Variants in NAT10 observed in about 807,000 individuals in gnomAD.
NAT10 encodes RNA cytidine acetyltransferase.
NAT10 carries 109 observed loss-of-function variants against 132.2 expected under a neutral mutation model. The ratio of observed to expected loss-of-function variants is 0.82; its 90% CI spans 0.71 to 0.97. The LOEUF (loss-of-function observed/expected upper bound fraction) is 0.97, where lower values mean the gene tolerates loss of function less well. Among genes scored for constraint, NAT10 ranks in the 50% least tolerant of loss-of-function variants. The pLI, the probability that NAT10 is intolerant of heterozygous loss-of-function variation, is 0.00. For missense variants in NAT10, 1,184 were observed against 1,263.4 expected (o/e 0.94, Z 0.95); for synonymous variants, 479 against 478.0 (o/e 1.00, Z -0.03).
rs1009250933 is a variant in NAT10, at chr11:34,141,758, A to T, written c.2752A>T (p.Met918Leu). The T allele has an allele frequency of 1.2e-6, 2 of 1,614,002 alleles. No individual in the cohort carries two copies. The highest frequency in any genetic ancestry group is 1.3e-5 in the African/African-American group (1 of 74,906). Residue 918 changes from methionine (M) to leucine (L), a missense_variant, in exon 26 of 29, where the codon ATG becomes TTG. Transcript: ENST00000257829. ...TCAGGAAAAGGCCATTGAGGAGCAG[A>T]TGGTGGCAGCGAAGGATGTGGTCAT... ...EVQEKAIEEQ[M>L]VAAKDVVMEP... is the part of the protein sequence containing the mutation.
intron 12 of NAT10, among the ~76,000 whole-genome samples, chr11:34,129,233 A>G (rs1233498386): frequency 6.6e-6 from 1 of 152,176 alleles, no homozygotes; most frequent in Non-Finnish European, 1.5e-5. Flanking sequence ...AAGCAATTGC[A>G]CATTCTACGT....
At chr11:34,108,433 C>T in intron 2 of NAT10, 100 bp downstream of exon 2, 2 of 977,256 alleles carry the variant, frequency 2.0e-6, no homozygotes, top group Middle Eastern at 2.7e-4. Flanking sequence ...GCATTAAGAT[C>T]TCTTTGGCTG....
At position 34,140,583 on chromosome 11, in the gene NAT10, T is replaced by G; in HGVS notation, c.2592+11T>G. The G allele has an allele frequency of 1.2e-6, 2 of 1,610,638 alleles. No homozygotes were observed. The highest frequency in any genetic ancestry group is 8.5e-7 in the Non-Finnish European group (1 of 1,177,130). ...TCTGCGGCTCAGTCGGTATGCTATC[T>G]GTTGCTTGCGTGGAGGAGAAGCGAG... On this transcript the variant is annotated intron_variant, in intron 24 of 28. Transcript: ENST00000257829.
At chr11:34,144,067 T>C (rs943433551) in intron 28 of NAT10, among the ~76,000 whole-genome samples, 16 of 152,166 alleles carry the variant, frequency 1.1e-4, no homozygotes, top group African/African-American at 3.6e-4. Flanking sequence ...GGTCTTTGAG[T>C]TCCTTTATCT....
In NAT10 at chr11:34,139,214, G is replaced by A. The variant is rs145301425; in HGVS notation, c.2235G>A (p.Ser745=). The A allele has an allele frequency of 3.3e-5, 53 of 1,614,094 alleles. No individual in the cohort carries two copies. Among genetic ancestry groups the A allele is most frequent in the Admixed American group, 1.8e-4 (11 of 60,018 alleles). The change falls in exon 22 of 29, where the codon TCG becomes TCA. Residue 745 remains serine (S), a synonymous_variant. Coordinates refer to ENST00000257829, the MANE Select transcript of NAT10 (RefSeq NM_024662.3). ...AGAATGACCTGACCGGAGAGCACTC[G>A]TGCATCATGCTGAAGACGCTCACTG... The part of the protein sequence containing the change: ...QTPNDLTGEH[S]CIMLKTLTDE...
At chr11:34,108,178 G>C (rs755695810) in intron 1 of NAT10, 33 bp from the exon 2 acceptor site, 1 of 1,444,086 alleles carries the variant, frequency 6.9e-7, no homozygotes, top group Admixed American at 1.7e-5. Flanking sequence ...ACAATCTAGT[G>C]CGCATGGCCA....
intron 11 of NAT10, among the ~76,000 whole-genome samples, chr11:34,125,996 G>T (rs1363150402): frequency 6.6e-6 from 1 of 152,110 alleles, no homozygotes; most frequent in Non-Finnish European, 1.5e-5. Context: ...ATGAAAAAAA[G>T]AAATGGGTGG....
rs199955231 is a variant in NAT10, at chr11:34,139,393, C to T, written c.2317C>T (p.Arg773Trp). 1.2e-5 allele frequency: 20 copies of T among 1,613,976 alleles called. No individual in the cohort carries two copies. Among genetic ancestry groups the T allele is most frequent in the African/African-American group, 4.0e-5 (3 of 74,926 alleles). The change falls in exon 23 of 29, where the codon CGG (arginine) becomes TGG (tryptophan). Residue 773 changes from arginine to tryptophan, a missense_variant. Arg to Trp is a moderately radical substitution (Grantham distance 101, BLOSUM62 -3). Coordinates refer to ENST00000257829, the MANE Select transcript of NAT10 (RefSeq NM_024662.3). ...WLAAFWKDFR[R>W]RFLALLSYQF... The stretch of plus-strand genomic sequence containing the variant: ...GTGATGGCACCCCACAGATTTCCGA[C>T]GGCGGTTCCTAGCCTTGCTCTCCTA...
In NAT10 at chr11:34,142,366, C is replaced by A. The variant is rs544706529; in HGVS notation, c.2885+18C>A. 1 of 1,612,482 alleles carries A rather than the reference C, an allele frequency of 6.2e-7. No individual in the cohort carries two copies. The highest frequency in any genetic ancestry group is 1.7e-5 in the Admixed American group (1 of 59,986). ...CTCTCTGAGTAAGGCTTGTGGGAAG[C>A]AGAGGGTTTGCCTTGGCTTCTGGGG... On this transcript the variant is annotated intron_variant, in intron 27 of 28. Coordinates refer to ENST00000257829, the MANE Select transcript of NAT10 (RefSeq NM_024662.3).
chr11:34,105,965 T>C (rs1363984726), intron 1 of NAT10, 173 bp downstream of exon 1: 1 of 152,344 alleles, frequency 6.6e-6, no homozygotes, highest in Non-Finnish European at 1.5e-5. Flanking sequence ...GAATCACCTC[T>C]CCAATACGCA....
In NAT10 at chr11:34,142,313, G is replaced by C; in HGVS notation, c.2850G>C (p.Lys950Asn). 6.2e-7 allele frequency: 1 copy of C among 1,614,164 alleles called. No individual in the cohort carries two copies. The highest frequency in any genetic ancestry group is 8.5e-7 in the Non-Finnish European group (1 of 1,180,030). Reference protein sequence around the residue: ...AAKEFQEKHKKEVGKLKSMDL... With the variant: ...AAKEFQEKHKNEVGKLKSMDL... ...AGGAATTTCAGGAGAAACACAAGAA[G>C]GAAGTAGGGAAGCTGAAGAGCATGG... The change falls in exon 27 of 29, where the codon AAG (lysine) becomes AAC (asparagine). Residue 950 changes from lysine to asparagine, a missense_variant. Coordinates refer to ENST00000257829, the MANE Select transcript of NAT10 (RefSeq NM_024662.3).
chr11:34,131,007 C>T (rs1852096094), intron 13 of NAT10, 70 bp downstream of exon 13: 10 of 1,580,488 alleles, frequency 6.3e-6, no homozygotes, highest in Admixed American at 5.2e-5. Context: ...TCCTCGCTTC[C>T]CCTGTGACAT....
chr11:34,134,032 T>C (rs539491771), intron 16 of NAT10, among the ~76,000 whole-genome samples: 10 of 148,914 alleles, frequency 6.7e-5, no homozygotes, highest in East Asian at 5.9e-4. Flanking sequence ...GGTGTGGTGG[T>C]AGGCACCTGT....
At position 34,130,905 on chromosome 11, in the gene NAT10, A is replaced by AT. The variant is rs1291006439; in HGVS notation, c.1338dup (p.Lys447Ter). The AT allele has an allele frequency of 6.2e-7, 1 of 1,614,200 alleles. No homozygotes were observed. Among genetic ancestry groups the AT allele is most frequent in the Admixed American group, 1.7e-5 (1 of 60,030 alleles). On this transcript the variant is annotated frameshift_variant, in exon 13 of 29. Transcript: ENST00000257829. LOFTEE classifies it high-confidence loss of function. Reference sequence around the variant, plus strand: ...AGCCAGGTCAGCACCACTGCTGAGAATAAGACCACGACGACAGCCAGATTG... The same window carrying AT: ...AGCCAGGTCAGCACCACTGCTGAGAATTAAGACCACGACGACAGCCAGATTG...
chr11:34,142,315 A>C lies in NAT10; in HGVS notation c.2852A>C (p.Glu951Ala). The C allele has an allele frequency of 1.9e-6, 3 of 1,614,162 alleles. No individual in the cohort carries two copies. The South Asian group carries it at 3.3e-5, about 18-fold the overall frequency. Residue 951 changes from glutamate to alanine, a missense_variant, in exon 27 of 29, where the codon GAA (glutamate) becomes GCA (alanine). Coordinates refer to ENST00000257829, the MANE Select transcript of NAT10 (RefSeq NM_024662.3). ...AKEFQEKHKK[E>A]VGKLKSMDLS... ...GAATTTCAGGAGAAACACAAGAAGG[A>C]AGTAGGGAAGCTGAAGAGCATGGAC...
At chr11:34,123,706 G>C in intron 9 of NAT10, 56 bp from the exon 10 acceptor site, 1 of 1,307,748 alleles carries the variant, frequency 7.6e-7, no homozygotes, top group South Asian at 1.3e-5. Flanking sequence ...TTTTTAAATT[G>C]TTTCTTTAAG....
At position 34,135,609 on chromosome 11, in the gene NAT10, A is replaced by G. The variant is rs1022801636; in HGVS notation, c.2028+318A>G. ...ATTCAAGTTTGAGAATCACTGCTCT[A>G]TAATCTCTTTCATCCTACACCAGAC... On this transcript the variant is annotated intron_variant, in intron 19 of 28. Coordinates refer to ENST00000257829, the MANE Select transcript of NAT10 (RefSeq NM_024662.3). Among the ~76,000 whole-genome samples, 4 of 152,322 alleles carry G rather than the reference A, an allele frequency of 2.6e-5. No individual in the cohort carries two copies. The South Asian group carries it at 8.3e-4, about 32-fold the overall frequency.
At chr11:34,139,720 C>T (rs1400000819) in intron 23 of NAT10, among the ~76,000 whole-genome samples, 1 of 152,084 alleles carries the variant, frequency 6.6e-6, no homozygotes, top group African/African-American at 2.4e-5. Context: ...TCAGAGGTGT[C>T]CATTTAGTTC....
At chr11:34,125,906 T>C (rs371661573) in intron 11 of NAT10, among the ~76,000 whole-genome samples, 2 of 152,024 alleles carry the variant, frequency 1.3e-5, no homozygotes, top group South Asian at 2.1e-4. Context: ...GGTTGAACCC[T>C]GGAGGCAGAG....
Sources: allele counts gnomAD v4.1 joint callset (sites outside exome capture counted in the v4.1 genomes callset), GRCh38; gene constraint gnomAD v4.1.1; transcripts MANE v1.5; gene names NCBI Gene and HGNC (gene_info 2026-07-23, HGNC 2026-07-21).